Variants in PTPN11 observed in about 807,000 individuals in gnomAD.
PTPN11 encodes the protein protein tyrosine phosphatase non-receptor type 11.
Under a neutral mutation model 78.8 loss-of-function variants are expected in PTPN11, and 6 were observed. The observed-to-expected ratio is 0.08, with a 90% CI of 0.04 to 0.15. The LOEUF is 0.15. PTPN11 is among the 10% of genes least tolerant of loss of function. The pLI is 1.00. For synonymous variants in PTPN11, 221 were observed against 263.5 expected (o/e 0.84, Z 1.56); for missense variants, 386 against 744.8 (o/e 0.52, Z 5.61).
rs757537175 is a variant in PTPN11 at position 112,446,325 on chromosome 12, A to G, written c.64A>G (p.Thr22Ala). The change falls in exon 2 of 16, where the codon ACA becomes GCA. Residue 22 changes from threonine to alanine, a missense_variant. Around this residue, in one of 3 missense-constraint regions of PTPN11, gnomAD observed 279 missense variants for 503.3 expected, o/e 0.55. Transcript: ENST00000351677. ...TGTGGAGGCAGAAAACCTACTGTTG[A>G]CAAGAGGAGTTGATGGCAGTTTTTT... Reference protein sequence around the residue: ...TGVEAENLLLTRGVDGSFLAR... With the variant: ...TGVEAENLLLARGVDGSFLAR... 5 of 1,614,126 alleles carry G rather than the reference A, an allele frequency of 3.1e-6. No homozygotes were observed. Among genetic ancestry groups the G allele is most frequent in the South Asian group, 1.1e-5 (1 of 91,086 alleles).
chr12:112,469,238 T>G (rs1351806682), intron 6 of PTPN11, among the ~76,000 whole-genome samples: 1 of 152,186 alleles, frequency 6.6e-6, no homozygotes, highest in African/African-American at 2.4e-5. Context: ...GTAGGTAAGA[T>G]GAATTAGCAA....
chr12:112,433,899 A>G (rs2037750223), intron 1 of PTPN11, among the ~76,000 whole-genome samples: 1 of 152,172 alleles, frequency 6.6e-6, no homozygotes, highest in Admixed American at 6.5e-5. Flanking sequence ...TTGAGGCTGT[A>G]GTGAGCCATG....
At chr12:112,423,201 C>T (rs933382360) in intron 1 of PTPN11, among the ~76,000 whole-genome samples, 4 of 152,160 alleles carry the variant, frequency 2.6e-5, no homozygotes, top group Admixed American at 2.6e-4. Flanking sequence ...TATCCATGTT[C>T]GCGAGGAGCA....
At chr12:112,503,720 C>T (rs1325394292) in intron 14 of PTPN11, among the ~76,000 whole-genome samples, 1 of 152,172 alleles carries the variant, frequency 6.6e-6, no homozygotes. Context: ...CCCTCAGTAC[C>T]AGTGGCATGC....
chr12:112,455,232 C>CTTTT (rs997021901), intron 5 of PTPN11, among the ~76,000 whole-genome samples: 44 of 116,256 alleles, frequency 3.8e-4, no homozygotes, highest in African/African-American at 6.7e-4. Context: ...TACAGAGGTT[C>CTTTT]TTTTTTTTTT....
intron 1 of PTPN11, among the ~76,000 whole-genome samples, chr12:112,442,020 G>A (rs951144835): frequency 5.3e-5 from 8 of 150,776 alleles, no homozygotes; most frequent in African/African-American, 1.2e-4. Context: ...CTTGTGATCC[G>A]CCCGCCTCGG....
intron 1 of PTPN11, among the ~76,000 whole-genome samples, chr12:112,430,522 G>A (rs974800019): frequency 1.1e-4 from 17 of 152,064 alleles, no homozygotes; most frequent in African/African-American, 4.1e-4. Flanking sequence ...TCAGATGCCT[G>A]GGTTCAAGCA....
intron 10 of PTPN11, among the ~76,000 whole-genome samples, chr12:112,483,554 T>TG (rs1225527816): frequency 6.6e-6 from 1 of 152,136 alleles, no homozygotes; most frequent in Non-Finnish European, 1.5e-5. Flanking sequence ...AAGGAGGTTG[T>TG]GGGGGTTTGT....
intron 1 of PTPN11, among the ~76,000 whole-genome samples, chr12:112,445,248 C>T (rs2037974675): frequency 6.6e-6 from 1 of 152,104 alleles, no homozygotes; most frequent in South Asian, 2.1e-4. Context: ...TCTCCTGTCT[C>T]AGCCTCCTGA....
intron 1 of PTPN11, among the ~76,000 whole-genome samples, chr12:112,425,931 C>T (rs1028898744): frequency 5.3e-5 from 8 of 151,974 alleles, no homozygotes; most frequent in Admixed American, 1.3e-4. Flanking sequence ...GGTCGGAACT[C>T]CTGGGCTCAA....
chr12:112,503,186 G>C (rs1439765726), intron 14 of PTPN11, among the ~76,000 whole-genome samples: 2 of 152,236 alleles, frequency 1.3e-5, no homozygotes, highest in Non-Finnish European at 2.9e-5. Flanking sequence ...CAGAGACCAT[G>C]TATGGCATAT....
chr12:112,446,262 T>C lies in PTPN11; in HGVS notation c.15-14T>C. The C allele has an allele frequency of 6.2e-7, 1 of 1,613,858 alleles. No individual in the cohort carries two copies. The highest frequency in any genetic ancestry group is 2.2e-5 in the East Asian group (1 of 44,886). On this transcript the variant is annotated splice_polypyrimidine_tract_variant and intron_variant, in intron 1 of 15. Transcript: ENST00000351677. ...TCTTGTTTTTTTATTACTTACTTTGTCTTTCTTTTTAAGATGGTTTCACCC... is the reference window on the plus strand; with the variant it reads ...TCTTGTTTTTTTATTACTTACTTTGCCTTTCTTTTTAAGATGGTTTCACCC...
At position 112,446,074 on chromosome 12, in the gene PTPN11, A is replaced by G. The variant is rs17849093; in HGVS notation, c.15-202A>G. 5.5e-4 allele frequency among the ~76,000 whole-genome samples: 84 copies of G among 151,782 alleles called. No homozygotes were observed. The East Asian group carries it at 0.016, about 29-fold the overall frequency. ...TCTGATCATATCCCCAGACACCCCT[A>G]CTGAATCCCAGGTCTCTACCAAGGG... On this transcript the variant is annotated intron_variant, in intron 1 of 15. Transcript: ENST00000351677.
At chr12:112,490,159 T>C (rs1219263618) in intron 13 of PTPN11, among the ~76,000 whole-genome samples, 1 of 152,206 alleles carries the variant, frequency 6.6e-6, no homozygotes, top group Non-Finnish European at 1.5e-5. Context: ...ATTTAGACGG[T>C]TACTTTATTT....
At chr12:112,443,374 T>C (rs1217544334) in intron 1 of PTPN11, among the ~76,000 whole-genome samples, 32 of 151,422 alleles carry the variant, frequency 2.1e-4, no homozygotes, top group African/African-American at 7.0e-4. Flanking sequence ...TTTTTTTTTT[T>C]GGAGATGGAA....
At position 112,453,360 on chromosome 12, in the gene PTPN11, A is replaced by G. The variant is rs1007593261; in HGVS notation, c.498A>G (p.Lys166=). The part of the protein sequence containing the change: ...DKGESNDGKS[K]VTHVMIRCQE... ...GGGAGAGCAATGACGGCAAGTCTAAAGTGACCCATGTTATGATTCGCTGTC... is the reference window on the plus strand; with the variant it reads ...GGGAGAGCAATGACGGCAAGTCTAAGGTGACCCATGTTATGATTCGCTGTC... The change falls in exon 4 of 16, where the codon AAA becomes AAG. Residue 166 remains lysine (K), a synonymous_variant. Transcript: ENST00000351677. The G allele has an allele frequency of 1.2e-6, 2 of 1,614,144 alleles. No homozygotes were observed.
intron 6 of PTPN11, among the ~76,000 whole-genome samples, chr12:112,460,645 C>T (rs1281044780): frequency 6.6e-6 from 1 of 151,982 alleles, no homozygotes. Flanking sequence ...AGATCGAGAC[C>T]ATCCTGGCCA....
chr12:112,448,882 T>A (rs2135859405), intron 2 of PTPN11, among the ~76,000 whole-genome samples: 1 of 152,192 alleles, frequency 6.6e-6, no homozygotes, highest in South Asian at 2.1e-4. Flanking sequence ...TGTGTCTTTT[T>A]ATTTTTATTT....
rs140552217 is a variant in PTPN11, at chr12:112,455,871, GT to G, written c.643-62del. The G allele has an allele frequency of 0.23, 146,873 of 640,058 alleles. 66 individuals carry two copies. The highest frequency in any genetic ancestry group is 0.27 in the Middle Eastern group (615 of 2,320). The allele number at this position is 640,058 out of a possible 1,614,324, so 39.6% of individuals were successfully genotyped here. On this transcript the variant is annotated intron_variant, in intron 5 of 15. Coordinates refer to ENST00000351677, the MANE Select transcript of PTPN11 (RefSeq NM_002834.5). ...CCTTTATGAATATCAACATAGACAT[GT>G]TTTTTTTTTTTTTTTTGCATTAACA...
Sources: gnomAD v4.1 joint callset for allele counts (sites outside exome capture counted in the v4.1 genomes callset) on GRCh38, gnomAD v4.1.1 for gene constraint, gnomAD v4.1.1 regional missense constraint, MANE v1.5 for transcripts, NCBI Gene and HGNC (gene_info 2026-07-23, HGNC 2026-07-21) for gene names.